WDR87: variants seen among roughly 807,000 people sequenced by gnomAD.
WDR87 encodes the protein WD repeat-containing protein 87.
WDR87 carries 56 observed loss-of-function variants against 83.3 expected under a neutral mutation model. The ratio of observed to expected loss-of-function variants is 0.67; its 90% confidence interval spans 0.54 to 0.84. The LOEUF (loss-of-function observed/expected upper bound fraction) is 0.84, where lower values mean the gene tolerates loss of function less well. Ranked by LOEUF, WDR87 falls within the 40% of genes least tolerant of loss-of-function variation. WDR87 has a pLI of 0.00. For synonymous variants in WDR87, 1,173 were observed against 1,250.6 expected (o/e 0.94, Z 1.31); for missense variants, 2,939 against 3,431.9 (o/e 0.86, Z 3.59).
chr19:37,896,668 G>T (rs1334766957), intron 2 of WDR87, among the ~76,000 whole-genome samples: 1 of 152,134 alleles, frequency 6.6e-6, no homozygotes, highest in Non-Finnish European at 1.5e-5. Flanking sequence ...GCCCAGGCTG[G>T]AATGCAGTAG....
chr19:37,886,735 C>T lies in WDR87; in HGVS notation c.6936G>A (p.Glu2312=). 2.1e-6 allele frequency: 3 copies of T among 1,434,266 alleles called. No individual in the cohort carries two copies. Among genetic ancestry groups the T allele is most frequent in the Non-Finnish European group, 1.9e-6 (2 of 1,059,324 alleles). 88.8% of individuals were successfully genotyped at this position (1,434,266 alleles called of 1,614,324 possible). The stretch of plus-strand genomic sequence containing the variant: ...TCTCCACTTGCTTCTCCTCCCCTTC[C>T]TCCTCCTCCTTCCTTTCCTCCTCCT... The part of the protein sequence containing the change: ...REEEEERKEE[E]EGEEKQVEKE... Residue 2312 remains glutamate, a synonymous_variant, in exon 6 of 6, where the codon GAG becomes GAA. Coordinates refer to ENST00000447313, the MANE Select transcript of WDR87 (RefSeq NM_001291088.2).
intron 1 of WDR87, among the ~76,000 whole-genome samples, chr19:37,902,720 G>A (rs746283383): frequency 6.6e-6 from 1 of 152,118 alleles, no homozygotes; most frequent in Non-Finnish European, 1.5e-5. Flanking sequence ...ATTAGTTGGT[G>A]GCCTGAGGAA....
At chr19:37,906,325 T>C (rs2046328551) in intron 1 of WDR87, among the ~76,000 whole-genome samples, 174 bp downstream of exon 1, 1 of 152,122 alleles carries the variant, frequency 6.6e-6, no homozygotes, top group Admixed American at 6.5e-5. Flanking sequence ...GAATGCAAGA[T>C]AACAAGGCCC....
intron 1 of WDR87, among the ~76,000 whole-genome samples, chr19:37,905,689 G>A (rs1326671379): frequency 6.6e-6 from 1 of 151,954 alleles, no homozygotes; most frequent in Admixed American, 6.6e-5. Flanking sequence ...TTAAATAGCT[G>A]GGACTATGGC....
Position 37,896,149 on chromosome 19 carries a change from TTG to T in WDR87, c.233_234del (p.Thr78LysfsTer14). On this transcript the variant is annotated frameshift_variant, in exon 3 of 6. Transcript: ENST00000447313. LOFTEE classifies it high-confidence loss of function. Reference protein sequence around the residue: ...FASLSWVTSNTKEIQAVAWMK... With the variant: ...FASLSWVTSNXKEIQAVAWMK... ...AAAGGCAGTCTTACTTGTATTTCTT[TTG>T]TGTTTGATGTCACCCAAGAGAGGGA... The T allele has an allele frequency of 6.4e-7, 1 of 1,552,274 alleles. No individual in the cohort carries two copies. Among genetic ancestry groups the T allele is most frequent in the Non-Finnish European group, 8.7e-7 (1 of 1,147,116 alleles).
At position 37,893,775 on chromosome 19, in the gene WDR87, A is replaced by G. The variant is rs1453996233; in HGVS notation, c.1928T>C (p.Leu643Pro). The G allele has an allele frequency of 6.4e-7, 1 of 1,551,614 alleles. No homozygotes were observed. The highest frequency in any genetic ancestry group is 8.7e-7 in the Non-Finnish European group (1 of 1,147,024). ...TGGGCCAAAGTGCAGTGATGAGTCC[A>G]GAATGCCTATGAGTCTGCCATGGAA... ...WDFHGRLIGILDSSLHFGPVC... is the reference protein window; with the variant it reads ...WDFHGRLIGIPDSSLHFGPVC... Residue 643 changes from leucine (L) to proline (P), a missense_variant, in exon 4 of 6, where the codon CTG becomes CCG. Physicochemically the swap from Leu to Pro is moderately conservative, Grantham distance 98. Coordinates refer to ENST00000447313, the MANE Select transcript of WDR87 (RefSeq NM_001291088.2).
rs2145416038 is a variant in WDR87 at position 37,886,218 on chromosome 19, T to C, written c.7453A>G (p.Ile2485Val). 1 of 1,551,684 alleles carries C rather than the reference T, an allele frequency of 6.4e-7. No individual in the cohort carries two copies. The highest frequency in any genetic ancestry group is 1.2e-5 in the South Asian group (1 of 84,048). Residue 2485 changes from isoleucine to valine, a missense_variant, in exon 6 of 6, where the codon ATA becomes GTA. This residue lies in a region of WDR87 where 2,160 missense variants were observed against 2,533.1 expected (regional missense o/e 0.85). Coordinates refer to ENST00000447313, the MANE Select transcript of WDR87 (RefSeq NM_001291088.2). ...EREVMGKYEPIPPHVLGTVLE... is the reference protein window; with the variant it reads ...EREVMGKYEPVPPHVLGTVLE... ...ACTGTACCCAAAACATGTGGAGGTA[T>C]GGGTTCATATTTTCCCATCACTTCT...
In WDR87 at chr19:37,891,166, C is replaced by CTT. The variant is rs34489328; in HGVS notation, c.3394+384_3394+385dup. Among the ~76,000 whole-genome samples the CTT allele has an allele frequency of 2.5e-3, 346 of 137,522 alleles. 2 individuals are homozygous for CTT. Among genetic ancestry groups the CTT allele is most frequent in the East Asian group, 7.1e-3 (33 of 4,642 alleles). 90.2% of individuals were successfully genotyped at this position (137,522 alleles called of 152,430 possible). A position where few individuals can be genotyped will look rare whatever the true frequency, so the allele number is the denominator to read the frequency against. On this transcript the variant is annotated intron_variant, in intron 5 of 5. Coordinates refer to ENST00000447313, the MANE Select transcript of WDR87 (RefSeq NM_001291088.2). ...ATCTCTCTTCCCACCTGGTATCTCT[C>CTT]TTTTTTTTTTTTTTTGAGATGGAGT...
Position 37,888,728 on chromosome 19 carries a change from A to G in WDR87, c.4943T>C (p.Leu1648Ser). The change falls in exon 6 of 6, where the codon TTG (leucine) becomes TCG (serine). Residue 1648 changes from leucine to serine, a missense_variant. This residue lies in a region of WDR87 where 2,160 missense variants were observed against 2,533.1 expected (regional missense o/e 0.85). Coordinates refer to ENST00000447313, the MANE Select transcript of WDR87 (RefSeq NM_001291088.2). ...EEKLAQEERQ[L>S]AQEERKLAQA... The stretch of plus-strand genomic sequence containing the variant: ...GGCCAGTTTTCTCTCTTCCTGGGCC[A>G]ACTGTCTCTCTTCTTGTGCAAGTTT... 3.9e-6 allele frequency: 6 copies of G among 1,551,810 alleles called. No individual in the cohort carries two copies. The highest frequency in any genetic ancestry group is 5.2e-6 in the Non-Finnish European group (6 of 1,147,056).
In WDR87 at chr19:37,894,543, C is replaced by T. The variant is rs1421455591; in HGVS notation, c.1160G>A (p.Gly387Asp). The change falls in exon 4 of 6, where the codon GGC becomes GAC. Residue 387 changes from glycine to aspartate, a missense_variant. Gly to Asp is a moderately conservative substitution (Grantham distance 94). This residue lies in a region of WDR87 where 553 missense variants were observed against 577.9 expected (regional missense o/e 0.96). Coordinates refer to ENST00000447313, the MANE Select transcript of WDR87 (RefSeq NM_001291088.2). Reference protein sequence around the residue: ...WFRILCTTEDGLLRFVSPVTG... With the variant: ...WFRILCTTEDDLLRFVSPVTG... Reference sequence around the variant, plus strand: ...TACTGGGGACACAAAGCGCAACAAGCCATCCTCAGTGGTACACAGGATCCG... The same window carrying T: ...TACTGGGGACACAAAGCGCAACAAGTCATCCTCAGTGGTACACAGGATCCG... The T allele has an allele frequency of 1.3e-6, 2 of 1,551,620 alleles. No homozygotes were observed. Among genetic ancestry groups the T allele is most frequent in the East Asian group, 4.9e-5 (2 of 40,932 alleles).
intron 3 of WDR87, among the ~76,000 whole-genome samples, chr19:37,895,782 AAAAAAAGATG>A (rs1284942173): frequency 1.7e-3 from 253 of 152,000 alleles, no homozygotes; most frequent in Non-Finnish European, 2.7e-3. Flanking sequence ...AAAAAAAAAA[AAAAAAAGATG>A]AAACTGCCTA....
At position 37,906,499 on chromosome 19, in the gene WDR87, C is replaced by T. The variant is rs934092610; in HGVS notation, c.-47G>A. ...TCAAAGCATTGGCTGCGCCTGTTACCTGCGACAGGATTCCCGACAAGGGAC... is the reference window on the plus strand; with the variant it reads ...TCAAAGCATTGGCTGCGCCTGTTACTTGCGACAGGATTCCCGACAAGGGAC... On this transcript the variant is annotated splice_region_variant and 5_prime_UTR_variant, in exon 1 of 6. Coordinates refer to ENST00000447313, the MANE Select transcript of WDR87 (RefSeq NM_001291088.2). 1.3e-5 allele frequency: 2 copies of T among 152,168 alleles called. No homozygotes were observed. Among genetic ancestry groups the T allele is most frequent in the Admixed American group, 1.3e-4 (2 of 15,284 alleles). 9.4% of individuals were successfully genotyped at this position (152,168 alleles called of 1,614,324 possible). A position where few individuals can be genotyped will look rare whatever the true frequency, so the allele number is the denominator to read the frequency against.
In WDR87 at chr19:37,891,629, G is replaced by T; in HGVS notation, c.3317C>A (p.Thr1106Lys). The change falls in exon 5 of 6, where the codon ACA (threonine) becomes AAA (lysine). Residue 1106 changes from threonine to lysine, a missense_variant. Around this residue, in one of 3 missense-constraint regions of WDR87, gnomAD observed 2,160 missense variants for 2,533.1 expected, o/e 0.85. Coordinates refer to ENST00000447313, the MANE Select transcript of WDR87 (RefSeq NM_001291088.2). ...SELKSSLKPP[T>K]VSEESEVAIK... ...GGCCACTTCAGATTCTTCAGAAACT[G>T]TAGGAGGTTTCAGGGAGGATTTAAG... The T allele has an allele frequency of 6.4e-7, 1 of 1,551,984 alleles. No homozygotes were observed. Among genetic ancestry groups the T allele is most frequent in the Non-Finnish European group, 8.7e-7 (1 of 1,147,056 alleles).
Position 37,886,963 on chromosome 19 carries a change from C to G in WDR87, c.6708G>C (p.Trp2236Cys), listed in dbSNP as rs900491170. The change falls in exon 6 of 6, where the codon TGG becomes TGC. Residue 2236 changes from tryptophan (W) to cysteine (C), a missense_variant. Transcript: ENST00000447313. The stretch of plus-strand genomic sequence containing the variant: ...CTCTCTTGGCCTCTTTCCTCTTTCT[C>G]CACCTTCGTTTAAGGAATGGGATTA... ...EEVIPFLKRR[W>C]RKRKEAKRGD... The G allele has an allele frequency of 5.8e-6, 9 of 1,551,952 alleles. No homozygotes were observed. The African/African-American group carries it at 9.6e-5, about 17-fold the overall frequency.
intron 2 of WDR87, 111 bp downstream of exon 2, chr19:37,898,054 C>T (rs1440048417): frequency 1.6e-6 from 2 of 1,286,734 alleles, no homozygotes; most frequent in African/African-American, 1.5e-5. Context: ...TATAGTATAC[C>T]CTGTTTGCTT....
chr19:37,884,852 A>C lies in WDR87; in HGVS notation c.*80T>G. 3 of 1,146,532 alleles carry C rather than the reference A, an allele frequency of 2.6e-6. No homozygotes were observed. Among genetic ancestry groups the C allele is most frequent in the Non-Finnish European group, 3.4e-6 (3 of 895,018 alleles). 71.0% of individuals were successfully genotyped at this position (1,146,532 alleles called of 1,614,324 possible). A position where few individuals can be genotyped will look rare whatever the true frequency, so the allele number is the denominator to read the frequency against. On this transcript the variant is annotated 3_prime_UTR_variant, in exon 6 of 6. Coordinates refer to ENST00000447313, the MANE Select transcript of WDR87 (RefSeq NM_001291088.2). The stretch of plus-strand genomic sequence containing the variant: ...TCAAAAAAAAAAAAAAGAGAGAGAG[A>C]GAGATGAAGGTCTAGATCCTGGTAA...
Position 37,887,227 on chromosome 19 carries a change from G to T in WDR87, c.6444C>A (p.Arg2148=). ...KMKRALFVKE[R]RLSIEQSKLD... is the part of the protein sequence containing the mutation. ...GCTTACTCTGTTCTATACTCAACCT[G>T]CGCTCCTTAACAAAGAGTGCCCTCT... The change falls in exon 6 of 6, where the codon CGC becomes CGA. Residue 2148 remains arginine, a synonymous_variant. Coordinates refer to ENST00000447313, the MANE Select transcript of WDR87 (RefSeq NM_001291088.2). 6.4e-7 allele frequency: 1 copy of T among 1,551,738 alleles called. No individual in the cohort carries two copies. The highest frequency in any genetic ancestry group is 2.4e-5 in the East Asian group (1 of 40,910).
intron 4 of WDR87, among the ~76,000 whole-genome samples, chr19:37,892,112 A>T (rs2145427594): frequency 6.6e-6 from 1 of 152,352 alleles, no homozygotes; most frequent in African/African-American, 2.4e-5. Flanking sequence ...TGAGCAGGCC[A>T]GGTATGGTGG....
Position 37,893,437 on chromosome 19 carries a change from C to G in WDR87, c.2266G>C (p.Gly756Arg). ...GAGGAACGCAGTAACACTGGGCTCC[C>G]TTCCTCATCTTCTTCTATCACATGT... The part of the protein sequence containing the change: ...VPHVIEEDEE[G>R]SPVLLRSSMH... The change falls in exon 4 of 6, where the codon GGG (glycine) becomes CGG (arginine). Residue 756 changes from glycine to arginine, a missense_variant. This residue lies in a region of WDR87 where 2,160 missense variants were observed against 2,533.1 expected (regional missense o/e 0.85). Transcript: ENST00000447313. 4 of 1,552,134 alleles carry G rather than the reference C, an allele frequency of 2.6e-6. No homozygotes were observed. Among genetic ancestry groups the G allele is most frequent in the Non-Finnish European group, 3.5e-6 (4 of 1,147,092 alleles).
Sources: allele counts gnomAD v4.1 joint callset (sites outside exome capture counted in the v4.1 genomes callset), GRCh38; gene constraint gnomAD v4.1.1; regional missense constraint gnomAD v4.1.1; transcripts MANE v1.5; gene names NCBI Gene and HGNC (gene_info 2026-07-23, HGNC 2026-07-21).